CLNK: variants seen among roughly 807,000 people sequenced by gnomAD.
CLNK encodes cytokine dependent hematopoietic cell linker, also known as cytokine-dependent hematopoietic cell linker.
In CLNK, 74 loss-of-function variants were observed where a neutral mutation model predicts 68.6. The observed-to-expected ratio is 1.08, with a 90% CI of 0.89 to 1.31. CLNK has a LOEUF of 1.31. Among genes scored for constraint, CLNK ranks in the 50% most tolerant of loss-of-function variants. The pLI is 0.00. For synonymous variants in CLNK, 198 were observed against 172.2 expected, an observed-to-expected ratio of 1.15 and a Z score of -1.17; for missense variants, 553 against 515.3, an observed-to-expected ratio of 1.07 and a Z score of -0.71.
intron 15 of CLNK, among the ~76,000 whole-genome samples, chr4:10,518,913 T>C (rs774427064): frequency 5.3e-5 from 8 of 152,188 alleles, no homozygotes; most frequent in Non-Finnish European, 1.0e-4. Flanking sequence ...CACCAAGTAC[T>C]GGTGATCCAG....
At chr4:10,645,206 T>C (rs543481841) in intron 2 of CLNK, among the ~76,000 whole-genome samples, 2 of 152,348 alleles carry the variant, frequency 1.3e-5, no homozygotes, top group East Asian at 3.9e-4. Context: ...ATCCATCTTA[T>C]GTCTCAGCCT....
chr4:10,700,670 C>G, the CLNK span, among the ~76,000 whole-genome samples: 1 of 152,114 alleles, frequency 6.6e-6, no homozygotes, highest in South Asian at 2.1e-4. Flanking sequence ...AGCCACGTGA[C>G]CCTTTATTTG....
intron 12 of CLNK, among the ~76,000 whole-genome samples, chr4:10,530,804 G>A (rs917103968): frequency 2.0e-5 from 3 of 152,202 alleles, no homozygotes; most frequent in Non-Finnish European, 2.9e-5. Context: ...CACCTTGGAT[G>A]TGTGGGTTCC....
Position 10,582,899 on chromosome 4 carries a change from A to G in CLNK, c.112+2028T>C, listed in dbSNP as rs191899488. Among the ~76,000 whole-genome samples, 29 of 152,340 alleles carry G rather than the reference A, an allele frequency of 1.9e-4. No homozygotes were observed. The East Asian group carries it at 3.1e-3, about 16-fold the overall frequency. On this transcript the variant is annotated intron_variant, in intron 4 of 18. Transcript: ENST00000226951. ...ATCACACACACCTCACATCATAGAT[A>G]TATAGCTTATAAATATACAATCACT...
intron 6 of CLNK, among the ~76,000 whole-genome samples, 189 bp from the exon 7 acceptor site, chr4:10,564,966 CA>C (rs1010482638): frequency 2.6e-5 from 4 of 152,068 alleles, no homozygotes; most frequent in Non-Finnish European, 5.9e-5. Flanking sequence ...TCAGTGCACA[CA>C]AAAAAATGCC....
intron 17 of CLNK, among the ~76,000 whole-genome samples, chr4:10,502,541 A>G (rs1024879398): frequency 1.1e-4 from 17 of 151,714 alleles, no homozygotes; most frequent in Non-Finnish European, 2.4e-4. Context: ...CCCCTTCTTG[A>G]TGTATTCATC....
At chr4:10,658,854 T>C (rs530193309) in intron 2 of CLNK, among the ~76,000 whole-genome samples, 9 of 152,358 alleles carry the variant, frequency 5.9e-5, no homozygotes, top group African/African-American at 2.2e-4. Flanking sequence ...CAGCATACAC[T>C]GCAGAAAAGC....
the CLNK span, among the ~76,000 whole-genome samples, chr4:10,720,535 G>A: frequency 6.6e-6 from 1 of 151,572 alleles, no homozygotes; most frequent in Non-Finnish European, 1.5e-5. Flanking sequence ...ACTGCAATGA[G>A]TTATCCCTAC....
chr4:10,714,997 G>GT, the CLNK span, among the ~76,000 whole-genome samples: 1 of 151,622 alleles, frequency 6.6e-6, no homozygotes, highest in African/African-American at 2.4e-5. Flanking sequence ...TTTGGTTTCA[G>GT]TATCAGTAAT....
chr4:10,689,219 T>G (rs1048578678), upstream of CLNK, among the ~76,000 whole-genome samples: 2 of 151,986 alleles, frequency 1.3e-5, no homozygotes, highest in African/African-American at 4.8e-5. Flanking sequence ...ACTGCAGCCT[T>G]GAACTCCTGG....
chr4:10,623,533 A>G (rs953921942), intron 2 of CLNK, among the ~76,000 whole-genome samples: 2 of 152,238 alleles, frequency 1.3e-5, no homozygotes, highest in African/African-American at 4.8e-5. Context: ...CTAAGCCTCC[A>G]ATTCCTCATC....
intron 5 of CLNK, among the ~76,000 whole-genome samples, chr4:10,567,873 A>T (rs1220387593): frequency 6.6e-6 from 1 of 152,246 alleles, no homozygotes; most frequent in Non-Finnish European, 1.5e-5. Flanking sequence ...GCACAATGAG[A>T]TGTCAGCCAT....
chr4:10,671,072 A>T (rs1364714880), intron 1 of CLNK, among the ~76,000 whole-genome samples: 1 of 152,164 alleles, frequency 6.6e-6, no homozygotes, highest in Non-Finnish European at 1.5e-5. Flanking sequence ...GAGATCCCAA[A>T]CTCTTCTGAC....
the CLNK span, among the ~76,000 whole-genome samples, chr4:10,731,941 G>A: frequency 2.0e-5 from 3 of 152,142 alleles, no homozygotes; most frequent in East Asian, 3.9e-4. Flanking sequence ...GTGGGGCAGG[G>A]GACAAGCCCT....
intron 8 of CLNK, among the ~76,000 whole-genome samples, chr4:10,551,486 T>A (rs1345496035): frequency 6.6e-6 from 1 of 152,014 alleles, no homozygotes; most frequent in Non-Finnish European, 1.5e-5. Flanking sequence ...CTGAGTTGTC[T>A]CGAAACTCCT....
the CLNK span, among the ~76,000 whole-genome samples, chr4:10,715,826 C>T: frequency 2.6e-5 from 4 of 152,178 alleles, no homozygotes; most frequent in Non-Finnish European, 4.4e-5. Flanking sequence ...TATCTCACTT[C>T]CAATTCCCCA....
chr4:10,557,107 A>ATAAATAAG (rs1438796837), intron 8 of CLNK, among the ~76,000 whole-genome samples: 2 of 151,636 alleles, frequency 1.3e-5, no homozygotes, highest in African/African-American at 4.8e-5. Context: ...AAATAAATAA[A>ATAAATAAG]TAAATAAATA....
chr4:10,549,025 A>G lies in CLNK; in HGVS notation c.446-6745T>C, dbSNP rs560403215. On this transcript the variant is annotated intron_variant, in intron 8 of 18. Transcript: ENST00000226951. ...TACTCAGGGTGAATCTTTATGATACACTGTCCATGTGTCCTGTGTCTTCAT... is the reference window on the plus strand; with the variant it reads ...TACTCAGGGTGAATCTTTATGATACGCTGTCCATGTGTCCTGTGTCTTCAT... Among the ~76,000 whole-genome samples the G allele has an allele frequency of 2.0e-5, 3 of 152,284 alleles. No individual in the cohort carries two copies. In the South Asian group the frequency reaches 6.2e-4, roughly 32 times the overall value.
intron 2 of CLNK, among the ~76,000 whole-genome samples, chr4:10,665,466 C>G (rs1420482296): frequency 1.3e-5 from 2 of 151,998 alleles, no homozygotes; most frequent in African/African-American, 2.4e-5. Context: ...GAGACCGAGA[C>G]CATCCTGGCT....
Sources: gnomAD v4.1 joint callset for allele counts (sites outside exome capture counted in the v4.1 genomes callset) on GRCh38, gnomAD v4.1.1 for gene constraint, MANE v1.5 for transcripts, NCBI Gene and HGNC (gene_info 2026-07-23, HGNC 2026-07-21) for gene names.